DCC: variants seen among roughly 807,000 people sequenced by gnomAD.
DCC encodes DCC netrin 1 receptor, also known as netrin receptor DCC.
A neutral mutation model predicts 172.5 loss-of-function variants in DCC; 58 were observed. The observed-to-expected ratio is 0.34, with a 90% CI of 0.27 to 0.42. The LOEUF is 0.42. Ranked by LOEUF, DCC falls within the 10% of genes least tolerant of loss-of-function variation. DCC has a pLI of 1.00. For missense variants in DCC, 1,740 were observed against 1,791.0 expected, an observed-to-expected ratio of 0.97 and a Z score of 0.51; for synonymous variants, 709 against 644.5, an observed-to-expected ratio of 1.10 and a Z score of -1.52.
At chr18:52,532,824 A>C (rs553661084) in intron 1 of DCC, among the ~76,000 whole-genome samples, 1 of 152,014 alleles carries the variant, frequency 6.6e-6, no homozygotes, top group Admixed American at 6.6e-5. Flanking sequence ...TATCCTTCTA[A>C]AGTAGACCAT....
chr18:52,398,877 A>T (rs1227735241), intron 1 of DCC, among the ~76,000 whole-genome samples: 1 of 151,874 alleles, frequency 6.6e-6, no homozygotes, highest in Non-Finnish European at 1.5e-5. Flanking sequence ...CGCTCAGGAG[A>T]TGGGTGCACC....
chr18:52,773,432 C>A (rs1462920238), intron 2 of DCC, among the ~76,000 whole-genome samples: 9 of 152,134 alleles, frequency 5.9e-5, no homozygotes, highest in Admixed American at 5.9e-4. Flanking sequence ...GTTTCCCCAA[C>A]AATACTGTGG....
chr18:53,152,426 T>A lies in DCC; in HGVS notation c.1262-4930T>A, dbSNP rs147179136. 8.4e-3 allele frequency among the ~76,000 whole-genome samples: 1,276 copies of A among 152,282 alleles called. 21 individuals are homozygous for A. Among genetic ancestry groups the A allele is most frequent in the African/African-American group, 0.03 (1,230 of 41,562 alleles). Reference sequence around the variant, plus strand: ...AGCTTTATTTAAAAAATTAATCCAATAGCATCATTGTTACCAAGGCTATTG... The same window carrying A: ...AGCTTTATTTAAAAAATTAATCCAAAAGCATCATTGTTACCAAGGCTATTG... On this transcript the variant is annotated intron_variant, in intron 7 of 28. Coordinates refer to ENST00000442544, the MANE Select transcript of DCC (RefSeq NM_005215.4).
chr18:52,432,823 C>A (rs1193038829), intron 1 of DCC, among the ~76,000 whole-genome samples: 1 of 152,132 alleles, frequency 6.6e-6, no homozygotes, highest in Non-Finnish European at 1.5e-5. Flanking sequence ...TGCAGGAGTG[C>A]CGCCTGAGCT....
chr18:53,200,660 A>G (rs1436948903), intron 9 of DCC, among the ~76,000 whole-genome samples: 1 of 152,056 alleles, frequency 6.6e-6, no homozygotes, highest in African/African-American at 2.4e-5. Context: ...AGATATTCCT[A>G]TAGTCTATTT....
intron 1 of DCC, among the ~76,000 whole-genome samples, chr18:52,561,384 T>TAC (rs142872037): frequency 5.9e-5 from 9 of 151,266 alleles, no homozygotes; most frequent in East Asian, 1.9e-4. Flanking sequence ...TTTACCTGCA[T>TAC]ACACACACAC....
chr18:52,846,296 C>G (rs937118451), intron 2 of DCC, among the ~76,000 whole-genome samples: 1 of 151,964 alleles, frequency 6.6e-6, no homozygotes, highest in African/African-American at 2.4e-5. Context: ...AATCCCTGCA[C>G]TTTGGGAAGC....
chr18:53,255,791 A>G (rs1017228082), intron 12 of DCC, among the ~76,000 whole-genome samples: 6 of 152,114 alleles, frequency 3.9e-5, no homozygotes, highest in African/African-American at 1.4e-4. Flanking sequence ...TCGCCACACC[A>G]ACTTCCAAAA....
intron 2 of DCC, among the ~76,000 whole-genome samples, chr18:52,850,015 C>T (rs1406244277): frequency 9.9e-5 from 15 of 152,186 alleles, no homozygotes; most frequent in Admixed American, 9.2e-4. Flanking sequence ...CTAGAGGTTA[C>T]AGCACCTTGA....
intron 1 of DCC, among the ~76,000 whole-genome samples, 177 bp downstream of exon 1, chr18:52,341,055 C>T (rs1384414854): frequency 1.5e-5 from 2 of 132,686 alleles, no homozygotes; most frequent in South Asian, 2.4e-4. Flanking sequence ...TCCCTGGGGG[C>T]GGATGATGGT....
At chr18:52,876,894 G>C (rs2039411651) in intron 2 of DCC, among the ~76,000 whole-genome samples, 1 of 152,150 alleles carries the variant, frequency 6.6e-6, no homozygotes, top group Admixed American at 6.5e-5. Context: ...TCTTGTCGCA[G>C]ACCCTCCATT....
At chr18:52,490,171 G>A (rs1003063784) in intron 1 of DCC, among the ~76,000 whole-genome samples, 1 of 152,044 alleles carries the variant, frequency 6.6e-6, no homozygotes, top group Non-Finnish European at 1.5e-5. Context: ...ACAAGATGTG[G>A]TAATTAAGAT....
chr18:52,530,059 A>G (rs924661268), intron 1 of DCC, among the ~76,000 whole-genome samples: 1 of 152,262 alleles, frequency 6.6e-6, no homozygotes, highest in African/African-American at 2.4e-5. Flanking sequence ...AATATATTTT[A>G]GTGAAACTAT....
chr18:52,806,420 C>T (rs1234295979), intron 2 of DCC, among the ~76,000 whole-genome samples: 1 of 152,146 alleles, frequency 6.6e-6, no homozygotes, highest in African/African-American at 2.4e-5. Context: ...GGTAGTGTTA[C>T]CATCAAGCCA....
intron 1 of DCC, among the ~76,000 whole-genome samples, chr18:52,418,455 C>T (rs1291001470): frequency 6.6e-6 from 1 of 152,112 alleles, no homozygotes; most frequent in Non-Finnish European, 1.5e-5. Flanking sequence ...TCAGAAGTTA[C>T]GTACGTCCAA....
chr18:53,094,338 T>A (rs4459619), intron 7 of DCC, among the ~76,000 whole-genome samples: 5 of 152,022 alleles, frequency 3.3e-5, no homozygotes, highest in African/African-American at 1.2e-4. Context: ...TTCTCATTCC[T>A]CTTCTGAAGG....
chr18:52,818,990 G>A (rs966199952), intron 2 of DCC, among the ~76,000 whole-genome samples: 2 of 152,264 alleles, frequency 1.3e-5, no homozygotes, highest in East Asian at 1.9e-4. Context: ...TTAACACTAC[G>A]GAGTTAGGCA....
At chr18:52,823,427 G>A (rs570035906) in intron 2 of DCC, among the ~76,000 whole-genome samples, 1 of 152,306 alleles carries the variant, frequency 6.6e-6, no homozygotes, top group South Asian at 2.1e-4. Flanking sequence ...TTTAAGAAAT[G>A]TATTAATAGT....
intron 2 of DCC, among the ~76,000 whole-genome samples, chr18:52,883,350 A>ATTTATGTGTG (rs1270659885): frequency 1.2e-4 from 4 of 34,106 alleles, no homozygotes; most frequent in African/African-American, 3.0e-4. Context: ...TTATTTATTT[A>ATTTATGTGTG]TGTGTGTGTG....
Sources: allele counts gnomAD v4.1 joint callset (sites outside exome capture counted in the v4.1 genomes callset), GRCh38; gene constraint gnomAD v4.1.1; transcripts MANE v1.5; gene names NCBI Gene and HGNC (gene_info 2026-07-23, HGNC 2026-07-21).